The following NFU1 variants were observed in gnomAD, a reference collection of about 807,000 sequenced individuals.
The protein encoded by NFU1 is NFU1 iron-sulfur cluster scaffold.
A neutral mutation model predicts 32.2 loss-of-function variants in NFU1; 30 were observed. The ratio of observed to expected loss-of-function variants is 0.93; its 90% CI spans 0.70 to 1.26. NFU1 has a LOEUF of 1.26. Among genes scored for constraint, NFU1 ranks in the 50% most tolerant of loss-of-function variants. The pLI, the probability that NFU1 is intolerant of heterozygous loss-of-function variation, is 0.00. For synonymous variants in NFU1, 112 were observed against 104.6 expected (o/e 1.07, Z -0.43); for missense variants, 306 against 306.6 (o/e 1.00, Z 0.02).
At chr2:69,431,718 T>C (rs1323407895) in intron 2 of NFU1, among the ~76,000 whole-genome samples, 184 bp downstream of exon 2, 1 of 152,212 alleles carries the variant, frequency 6.6e-6, no homozygotes. Flanking sequence ...TATTGGACAA[T>C]ATCCTTGCAA....
At chr2:69,412,020 TG>T (rs1227138219) in intron 5 of NFU1, among the ~76,000 whole-genome samples, 2 of 152,162 alleles carry the variant, frequency 1.3e-5, no homozygotes, top group African/African-American at 4.8e-5. Context: ...AAGACCAGCC[TG>T]GGCAACCTAA....
At chr2:69,424,977 T>C (rs1213771258) in intron 2 of NFU1, among the ~76,000 whole-genome samples, 1 of 150,394 alleles carries the variant, frequency 6.6e-6, no homozygotes, top group Non-Finnish European at 1.5e-5. Context: ...CCCAGGTTCA[T>C]GCCATTCTCC....
intron 5 of NFU1, among the ~76,000 whole-genome samples, chr2:69,412,643 C>T (rs1458339440): frequency 6.6e-6 from 1 of 152,112 alleles, no homozygotes; most frequent in East Asian, 1.9e-4. Flanking sequence ...CCTCGGCCTC[C>T]CAAATTCCTG....
chr2:69,397,734 G>A (rs946231456), intron 7 of NFU1, among the ~76,000 whole-genome samples: 6 of 151,526 alleles, frequency 4.0e-5, no homozygotes, highest in Admixed American at 6.6e-5. Flanking sequence ...TCAACATGGC[G>A]AAACCCCCAT....
chr2:69,430,450 AG>A (rs762279104), intron 2 of NFU1, among the ~76,000 whole-genome samples: 2 of 152,046 alleles, frequency 1.3e-5, no homozygotes, highest in Non-Finnish European at 2.9e-5. Flanking sequence ...CTTGGGCTCA[AG>A]GGATCTGCCC....
At chr2:69,404,321 G>C (rs1672623643) in intron 6 of NFU1, among the ~76,000 whole-genome samples, 1 of 150,846 alleles carries the variant, frequency 6.6e-6, no homozygotes, top group Non-Finnish European at 1.5e-5. Flanking sequence ...GTGAAACCCT[G>C]TCTCTACTAA....
At chr2:69,399,598 G>C (rs151290803) in intron 7 of NFU1, among the ~76,000 whole-genome samples, 1 of 137,650 alleles carries the variant, frequency 7.3e-6, no homozygotes, top group Non-Finnish European at 1.5e-5. Flanking sequence ...GGGCAACATA[G>C]CAAGACCCCG....
At chr2:69,426,917 A>T (rs1422930041) in intron 2 of NFU1, among the ~76,000 whole-genome samples, 4 of 148,108 alleles carry the variant, frequency 2.7e-5, no homozygotes, top group Admixed American at 1.3e-4. Flanking sequence ...AAAAATACAA[A>T]AATTAGCCAG....
intron 5 of NFU1, among the ~76,000 whole-genome samples, chr2:69,412,106 A>C (rs1672901615): frequency 6.6e-6 from 1 of 151,978 alleles, no homozygotes; most frequent in African/African-American, 2.4e-5. Context: ...GCTGGAGTGC[A>C]ATGGCATGAT....
intron 1 of NFU1, among the ~76,000 whole-genome samples, chr2:69,435,813 C>T (rs1233956528): frequency 1.3e-5 from 2 of 152,008 alleles, no homozygotes; most frequent in Non-Finnish European, 2.9e-5. Context: ...AGTGCAGTGG[C>T]GTGATCTTGG....
chr2:69,437,703 G>A (rs1057147994), upstream of NFU1: 1 of 561,170 alleles, frequency 1.8e-6, no homozygotes, highest in South Asian at 2.0e-5. Flanking sequence ...TTTCCCTGTT[G>A]GCTAGGTTTT....
At chr2:69,415,578 A>ATACT (rs1171694861) in intron 4 of NFU1, among the ~76,000 whole-genome samples, 2 of 152,162 alleles carry the variant, frequency 1.3e-5, no homozygotes, top group East Asian at 3.8e-4. Context: ...CTATAATGAA[A>ATACT]TACTCTCCAG....
chr2:69,422,735 TCTCA>T (rs1022387165), intron 3 of NFU1, among the ~76,000 whole-genome samples: 4 of 152,188 alleles, frequency 2.6e-5, no homozygotes, highest in Middle Eastern at 6.8e-3. Context: ...TGAGGCAGGG[TCTCA>T]CTCGCTCGCC....
intron 5 of NFU1, among the ~76,000 whole-genome samples, chr2:69,410,277 T>C (rs1288824449): frequency 6.6e-6 from 1 of 152,082 alleles, no homozygotes; most frequent in Admixed American, 6.6e-5. Flanking sequence ...TAATCCCAGC[T>C]GCTCAGGTGG....
At chr2:69,427,675 G>T (rs1673508464) in intron 2 of NFU1, among the ~76,000 whole-genome samples, 2 of 104,172 alleles carry the variant, frequency 1.9e-5, no homozygotes, top group African/African-American at 8.2e-5. Flanking sequence ...GTGACACTCA[G>T]TCTCAAAAAA....
intron 1 of NFU1, among the ~76,000 whole-genome samples, chr2:69,432,956 C>T (rs1367650007): frequency 6.6e-6 from 1 of 151,808 alleles, no homozygotes; most frequent in Non-Finnish European, 1.5e-5. Flanking sequence ...TCGAGACGAG[C>T]CTGCCCAACA....
At chr2:69,429,188 C>A (rs1673558644) in intron 2 of NFU1, among the ~76,000 whole-genome samples, 1 of 152,190 alleles carries the variant, frequency 6.6e-6, no homozygotes, top group African/African-American at 2.4e-5. Flanking sequence ...TGGCTCTGAA[C>A]CAATCATTTC....
chr2:69,417,978 C>G (rs977226554), intron 4 of NFU1, among the ~76,000 whole-genome samples: 3 of 152,032 alleles, frequency 2.0e-5, no homozygotes, highest in African/African-American at 7.2e-5. Flanking sequence ...TATAATTTCC[C>G]ACTTATAAAA....
rs748143963 is a variant in NFU1 at position 69,423,735 on chromosome 2, G to A, written c.167-18C>T. 7 of 1,556,142 alleles carry A rather than the reference G, an allele frequency of 4.5e-6. No individual in the cohort carries two copies. Among genetic ancestry groups the A allele is most frequent in the Non-Finnish European group, 6.2e-6 (7 of 1,129,378 alleles). The stretch of plus-strand genomic sequence containing the variant: ...GTATCTCACTAAAAAAGAAAAAGAA[G>A]AAAATGTTATTCTAGAAAAAACAGT... On this transcript the variant is annotated intron_variant, in intron 2 of 7. Coordinates refer to ENST00000410022, the MANE Select transcript of NFU1 (RefSeq NM_001002755.4).
Sources: allele counts gnomAD v4.1 joint callset (sites outside exome capture counted in the v4.1 genomes callset), GRCh38; gene constraint gnomAD v4.1.1; transcripts MANE v1.5; gene names NCBI Gene and HGNC (gene_info 2026-07-23, HGNC 2026-07-21).